Variants in USP32 observed in about 807,000 individuals in gnomAD.
USP32 encodes ubiquitin specific peptidase 32.
A neutral mutation model predicts 204.8 loss-of-function variants in USP32; 59 were observed. That is an observed-to-expected ratio of 0.29 (90% CI 0.23 to 0.36). The LOEUF (loss-of-function observed/expected upper bound fraction) is 0.36, where lower values mean the gene tolerates loss of function less well. USP32 is among the 10% of genes least tolerant of loss of function. The probability of loss-of-function intolerance (pLI) is 1.00; values close to 1 mark genes in which losing one functional copy is unlikely to be tolerated. For missense variants in USP32, 1,160 were observed against 1,946.4 expected, an observed-to-expected ratio of 0.60 and a Z score of 7.60; for synonymous variants, 517 against 678.4, an observed-to-expected ratio of 0.76 and a Z score of 3.70.
intron 11 of USP32, among the ~76,000 whole-genome samples, chr17:60,246,563 G>A (rs2145686445): frequency 6.6e-6 from 1 of 152,240 alleles, no homozygotes; most frequent in African/African-American, 2.4e-5. Context: ...ATACCCAGCA[G>A]TGGGATCGCT....
At chr17:60,271,794 G>T (rs1239132701) in intron 5 of USP32, among the ~76,000 whole-genome samples, 3 of 150,878 alleles carry the variant, frequency 2.0e-5, no homozygotes, top group African/African-American at 7.3e-5. Context: ...ACTTTTACCT[G>T]TACTGATTTT....
At chr17:60,207,917 C>T in intron 24 of USP32, 142 bp downstream of exon 24, 1 of 1,419,528 alleles carries the variant, frequency 7.0e-7, no homozygotes, top group Admixed American at 2.5e-5. Context: ...GAAAACTTGG[C>T]ATTTTTTGTT....
At chr17:60,247,963 C>T (rs997125128) in intron 11 of USP32, among the ~76,000 whole-genome samples, 3 of 152,164 alleles carry the variant, frequency 2.0e-5, no homozygotes, top group South Asian at 2.1e-4. Flanking sequence ...GGATTACAGG[C>T]GTGAGCCACC....
At chr17:60,201,439 A>G (rs1296154074) in intron 26 of USP32, among the ~76,000 whole-genome samples, 2 of 152,168 alleles carry the variant, frequency 1.3e-5, no homozygotes, top group East Asian at 3.9e-4. Flanking sequence ...TAACTAGAAA[A>G]TTGTATTCCA....
chr17:60,263,496 AT>A (rs1433490547), intron 9 of USP32, among the ~76,000 whole-genome samples: 3 of 152,146 alleles, frequency 2.0e-5, no homozygotes, highest in Admixed American at 6.5e-5. Flanking sequence ...AACTATTACT[AT>A]TTCATTATCA....
chr17:60,419,503 G>A (rs1192338247), intron 1 of USP32, among the ~76,000 whole-genome samples: 1 of 152,064 alleles, frequency 6.6e-6, no homozygotes, highest in Non-Finnish European at 1.5e-5. Flanking sequence ...TTGGGAGGCT[G>A]AGGTGGATCA....
intron 6 of USP32, among the ~76,000 whole-genome samples, chr17:60,270,527 A>G (rs903931523): frequency 1.6e-4 from 25 of 152,168 alleles, no homozygotes; most frequent in African/African-American, 6.0e-4. Context: ...CCTTATTTTT[A>G]AAAAAGTAAC....
rs77201739 is a variant in USP32, at chr17:60,400,301, G to A, written c.106+21945C>T. 9.4e-3 allele frequency among the ~76,000 whole-genome samples: 1,438 copies of A among 152,252 alleles called. 31 individuals are homozygous for A. Among genetic ancestry groups the A allele is most frequent in the African/African-American group, 0.033 (1,384 of 41,546 alleles). On this transcript the variant is annotated intron_variant, in intron 1 of 3. Transcript: ENST00000588898. ...TAAAAAAGATATCTCTGACTGCTGT[G>A]TTGAAAGTGGACTGGAGTGAGAGGA...
upstream of USP32, among the ~76,000 whole-genome samples, chr17:60,396,113 T>C (rs1352370192): frequency 6.7e-6 from 1 of 149,706 alleles, no homozygotes; most frequent in East Asian, 2.0e-4. Flanking sequence ...GGTCTTGCTT[T>C]GTCACCCAAG....
chr17:60,363,474 C>T (rs1318156415), intron 1 of USP32, among the ~76,000 whole-genome samples: 4 of 139,982 alleles, frequency 2.9e-5, no homozygotes, highest in Non-Finnish European at 4.6e-5. Context: ...AAAAAAAAAG[C>T]GCCACTGCAC....
intron 33 of USP32, among the ~76,000 whole-genome samples, chr17:60,179,689 TG>T (rs201472643): frequency 0.04 from 6,037 of 152,316 alleles, 438 homozygotes; most frequent in African/African-American, 0.14. Context: ...TTTATTTTTT[TG>T]AGATGGAGTC....
At chr17:60,304,482 A>T (rs1047901720) in intron 2 of USP32, among the ~76,000 whole-genome samples, 1 of 152,202 alleles carries the variant, frequency 6.6e-6, no homozygotes, top group Admixed American at 6.5e-5. Flanking sequence ...TCCATAAAGA[A>T]ATAAGAATAC....
chr17:60,392,961 T>C (rs2089866361), upstream of USP32, among the ~76,000 whole-genome samples: 1 of 152,076 alleles, frequency 6.6e-6, no homozygotes, highest in East Asian at 1.9e-4. Context: ...TTTTAATCTG[T>C]GGTAAAATAT....
At chr17:60,361,142 A>T (rs989891793) in intron 1 of USP32, among the ~76,000 whole-genome samples, 6 of 152,132 alleles carry the variant, frequency 3.9e-5, no homozygotes, top group African/African-American at 1.4e-4. Context: ...ACAAACAAAC[A>T]ACAACAACAA....
chr17:60,226,733 G>C (rs761137621), intron 12 of USP32, among the ~76,000 whole-genome samples: 7 of 152,102 alleles, frequency 4.6e-5, no homozygotes, highest in Non-Finnish European at 8.8e-5. Flanking sequence ...AGTGGTGTAT[G>C]TACATAGAGT....
At chr17:60,360,336 A>G (rs1336527726) in intron 1 of USP32, among the ~76,000 whole-genome samples, 2 of 151,736 alleles carry the variant, frequency 1.3e-5, no homozygotes, top group African/African-American at 4.9e-5. Flanking sequence ...TATTTTTTGT[A>G]TTTTTACAAA....
chr17:60,348,991 G>A (rs2088855843), intron 1 of USP32, among the ~76,000 whole-genome samples: 1 of 151,958 alleles, frequency 6.6e-6, no homozygotes, highest in African/African-American at 2.4e-5. Flanking sequence ...GGTAACTTTG[G>A]CTGCGGAATA....
intron 1 of USP32, among the ~76,000 whole-genome samples, chr17:60,386,261 G>A (rs2089728814): frequency 6.6e-6 from 1 of 151,574 alleles, no homozygotes; most frequent in African/African-American, 2.4e-5. Context: ...AACAAGCTCT[G>A]AAAGGAGAAG....
At chr17:60,308,046 G>A (rs960164993) in intron 2 of USP32, among the ~76,000 whole-genome samples, 8 of 152,152 alleles carry the variant, frequency 5.3e-5, no homozygotes, top group African/African-American at 1.9e-4. Flanking sequence ...GACTCCAGGG[G>A]AAAACTGCCT....
Sources: allele counts gnomAD v4.1 joint callset (sites outside exome capture counted in the v4.1 genomes callset), GRCh38; gene constraint gnomAD v4.1.1; transcripts MANE v1.5; gene names NCBI Gene and HGNC (gene_info 2026-07-23, HGNC 2026-07-21).